The following SLC45A4 variants were observed in gnomAD, a reference collection of about 807,000 sequenced individuals.
SLC45A4 encodes solute carrier family 45 member 4, also known as polyamine-transporter SLC45A4.
SLC45A4 carries 32 observed loss-of-function variants against 63.7 expected under a neutral mutation model. The ratio of observed to expected loss-of-function variants is 0.50; its 90% CI spans 0.38 to 0.67. SLC45A4 has a LOEUF of 0.67. SLC45A4 is among the 30% of genes least tolerant of loss of function. SLC45A4 has a pLI of 0.00. For missense variants in SLC45A4, 1,027 were observed against 1,157.7 expected, an observed-to-expected ratio of 0.89 and a Z score of 1.64; for synonymous variants, 535 against 510.0, an observed-to-expected ratio of 1.05 and a Z score of -0.66.
chr8:141,257,764 T>C (rs1397468052), intron 1 of SLC45A4, among the ~76,000 whole-genome samples: 5 of 152,186 alleles, frequency 3.3e-5, no homozygotes, highest in Admixed American at 6.5e-5. Flanking sequence ...TGGCATCTTA[T>C]AGGCGGAGGC....
At chr8:141,230,366 G>A in intron 2 of SLC45A4, 1 of 341,236 alleles carries the variant, frequency 2.9e-6, no homozygotes, top group Non-Finnish European at 5.8e-6. Context: ...GGCAGAGAGG[G>A]AAGCGGCCGC....
In SLC45A4 at chr8:141,284,607, G is replaced by A. The variant is rs547009325; in HGVS notation, c.-401+23489C>T. ...TGGAATACAGGTCAAAACCTCCTAC[G>A]GTGAACAGTGACCCAAAGAAAAAGA... On this transcript the variant is annotated intron_variant, in intron 1 of 8. Transcript: ENST00000517878. 1.7e-4 allele frequency among the ~76,000 whole-genome samples: 26 copies of A among 152,300 alleles called. 1 individual carries two copies. In the South Asian group the frequency reaches 4.8e-3, roughly 28 times the overall value.
At chr8:141,248,085 T>C (rs1459287928) in intron 2 of SLC45A4, among the ~76,000 whole-genome samples, 1 of 151,912 alleles carries the variant, frequency 6.6e-6, no homozygotes, top group African/African-American at 2.4e-5. Context: ...GGCCCAGGAG[T>C]TGAAGCTGCA....
chr8:141,301,463 T>C (rs7820868), intron 1 of SLC45A4, among the ~76,000 whole-genome samples: 145,500 of 152,126 alleles, frequency 0.96, 69,949 homozygotes, highest in Middle Eastern at 1. Context: ...AGTCCATAGG[T>C]CGGGTGCAGT....
At position 141,308,259 on chromosome 8, in the gene SLC45A4, G is replaced by A. The variant is rs1051455029; in HGVS notation, c.-564C>T. 1.4e-5 allele frequency: 2 copies of A among 147,590 alleles called. No individual in the cohort carries two copies. The highest frequency in any genetic ancestry group is 3.0e-5 in the Non-Finnish European group (2 of 66,076). 9.1% of individuals were successfully genotyped at this position (147,590 alleles called of 1,614,324 possible). A position where few individuals can be genotyped will look rare whatever the true frequency, so the allele number is the denominator to read the frequency against. On this transcript the variant is annotated 5_prime_UTR_variant, in exon 1 of 9. Transcript: ENST00000517878. ...GCCGGCCGGGCGGTCAGTCAGCGAC[G>A]CGGGCGCGGAGAGAGCGCTGCGAGG... is the stretch of plus-strand genomic sequence containing the variant.
intron 3 of SLC45A4, among the ~76,000 whole-genome samples, chr8:141,221,284 A>C (rs1826611297): frequency 2.0e-5 from 3 of 152,288 alleles, no homozygotes; most frequent in African/African-American, 7.2e-5. Context: ...AAAAAAGACA[A>C]GATAATTTCT....
intron 1 of SLC45A4, among the ~76,000 whole-genome samples, chr8:141,260,314 G>A (rs1010935693): frequency 2.6e-5 from 4 of 152,212 alleles, no homozygotes; most frequent in South Asian, 2.1e-4. Context: ...GCAAGCTTCC[G>A]AGCTTCTAAG....
intron 2 of SLC45A4, chr8:141,252,227 C>T (rs1193142264): frequency 1.3e-5 from 2 of 151,956 alleles, no homozygotes; most frequent in Admixed American, 6.6e-5. Flanking sequence ...AGAAAATAAA[C>T]ATTCTGACAA....
At chr8:141,267,527 A>G (rs772852388) in intron 1 of SLC45A4, among the ~76,000 whole-genome samples, 2 of 152,226 alleles carry the variant, frequency 1.3e-5, no homozygotes, top group Non-Finnish European at 2.9e-5. Context: ...ATGGATTCTT[A>G]TTACAGAAAG....
chr8:141,262,759 G>C (rs1232881035), intron 1 of SLC45A4, among the ~76,000 whole-genome samples: 1 of 151,790 alleles, frequency 6.6e-6, no homozygotes, highest in Non-Finnish European at 1.5e-5. Flanking sequence ...CTTTTACACT[G>C]TTGGTGGGAC....
intron 2 of SLC45A4, among the ~76,000 whole-genome samples, chr8:141,235,446 G>A (rs1378970621): frequency 6.6e-6 from 1 of 152,178 alleles, no homozygotes; most frequent in African/African-American, 2.4e-5. Flanking sequence ...CGAGGAGGAC[G>A]TATTCGTATT....
At chr8:141,264,875 A>C (rs886387689) in intron 1 of SLC45A4, among the ~76,000 whole-genome samples, 1 of 152,226 alleles carries the variant, frequency 6.6e-6, no homozygotes, top group African/African-American at 2.4e-5. Context: ...TATAATTTAC[A>C]TGCAGTGAGA....
intron 2 of SLC45A4, among the ~76,000 whole-genome samples, chr8:141,239,129 G>T (rs544753123): frequency 6.6e-6 from 1 of 152,316 alleles, no homozygotes. Flanking sequence ...GATGCTTGCT[G>T]TGACAAAGCC....
intron 1 of SLC45A4, among the ~76,000 whole-genome samples, chr8:141,297,376 G>A (rs1243747691): frequency 2.6e-5 from 4 of 152,212 alleles, no homozygotes; most frequent in African/African-American, 9.6e-5. Context: ...GCAGAACTGT[G>A]TGGGCAAAAA....
intron 1 of SLC45A4, among the ~76,000 whole-genome samples, chr8:141,262,635 C>G (rs1219391995): frequency 7.9e-5 from 12 of 151,564 alleles, no homozygotes; most frequent in Admixed American, 7.2e-4. Context: ...CACTGGCCAT[C>G]AGAGAAATGC....
chr8:141,229,052 A>C lies in SLC45A4; in HGVS notation c.242-7287T>G, dbSNP rs1827197900. On this transcript the variant is annotated intron_variant, in intron 2 of 8. Transcript: ENST00000517878. This position sits in a 1 kb window ranked among gnomAD's most constrained non-coding sequence, Gnocchi z 5.0. ...CCCATCGGCTCCTCCCGCCCATGGGACCTTCGAAGACACTGCTGCCTCTGC... is the reference window on the plus strand; with the variant it reads ...CCCATCGGCTCCTCCCGCCCATGGGCCCTTCGAAGACACTGCTGCCTCTGC... Among the ~76,000 whole-genome samples the C allele has an allele frequency of 6.6e-6, 1 of 151,998 alleles. No individual in the cohort carries two copies. The highest frequency in any genetic ancestry group is 1.5e-5 in the Non-Finnish European group (1 of 67,952).
Position 141,215,675 on chromosome 8 carries a change from C to A in SLC45A4, c.1941+84G>T, listed in dbSNP as rs1001831890. On this transcript the variant is annotated intron_variant, in intron 7 of 8. Coordinates refer to ENST00000517878, the MANE Select transcript of SLC45A4 (RefSeq NM_001286646.2). This position sits in a 1 kb window ranked among gnomAD's most constrained non-coding sequence, Gnocchi z 4.3. Reference sequence around the variant, plus strand: ...GCCATCTGTGTCGTGAACGTCCCCCCGGGGAAGCACAGGGCTCTGCTCTGT... The same window carrying A: ...GCCATCTGTGTCGTGAACGTCCCCCAGGGGAAGCACAGGGCTCTGCTCTGT... 1.4e-6 allele frequency: 2 copies of A among 1,421,506 alleles called. No homozygotes were observed. The highest frequency in any genetic ancestry group is 2.3e-5 in the East Asian group (1 of 43,376). 88.1% of individuals were successfully genotyped at this position (1,421,506 alleles called of 1,614,324 possible). A position where few individuals can be genotyped will look rare whatever the true frequency, so the allele number is the denominator to read the frequency against.
At chr8:141,222,055 G>A (rs1448403176) in intron 2 of SLC45A4, among the ~76,000 whole-genome samples, 1 of 152,146 alleles carries the variant, frequency 6.6e-6, no homozygotes, top group African/African-American at 2.4e-5. Context: ...AGCACACACT[G>A]ACTGTGCAGG....
intron 2 of SLC45A4, among the ~76,000 whole-genome samples, chr8:141,234,719 G>C (rs1254136821): frequency 6.6e-6 from 1 of 152,178 alleles, no homozygotes; most frequent in Non-Finnish European, 1.5e-5. Context: ...GGCCTGAGGT[G>C]ACCTCCCTGA....
Sources: gnomAD v4.1 joint callset for allele counts (sites outside exome capture counted in the v4.1 genomes callset) on GRCh38, gnomAD v4.1.1 for gene constraint, Gnocchi (gnomAD v3.1) non-coding constraint, MANE v1.5 for transcripts, NCBI Gene and HGNC (gene_info 2026-07-23, HGNC 2026-07-21) for gene names.